Variants in LRSAM1 observed in about 807,000 individuals in gnomAD.
LRSAM1 encodes leucine rich repeat and sterile alpha motif containing 1.
In LRSAM1, 96 loss-of-function variants were observed where a neutral mutation model predicts 118.1. The observed-to-expected ratio is 0.81, with a 90% CI of 0.69 to 0.96. The LOEUF is 0.96. LRSAM1 is among the 40% of genes least tolerant of loss of function. The pLI is 0.00. For synonymous variants in LRSAM1, 322 were observed against 364.2 expected, an observed-to-expected ratio of 0.88 and a Z score of 1.32; for missense variants, 804 against 915.5, an observed-to-expected ratio of 0.88 and a Z score of 1.57.
chr9:127,499,055 C>CAAA (rs112522307), intron 24 of LRSAM1, among the ~76,000 whole-genome samples: 5,455 of 134,156 alleles, frequency 0.041, 319 homozygotes, highest in African/African-American at 0.14. Context: ...AACTCTGTCT[C>CAAA]AAAAAAAAAA....
intron 16 of LRSAM1, among the ~76,000 whole-genome samples, chr9:127,485,402 A>T (rs1483775208): frequency 6.6e-6 from 1 of 151,984 alleles, no homozygotes; most frequent in African/African-American, 2.4e-5. Context: ...TTAATAATAC[A>T]AAAAATTAGG....
chr9:127,487,632 G>T, intron 17 of LRSAM1, 44 bp from the exon 18 acceptor site: 2 of 1,584,492 alleles, frequency 1.3e-6, no homozygotes, highest in East Asian at 4.5e-5. Context: ...GTAGGTGCTC[G>T]GGAAACGTTC....
intron 9 of LRSAM1, 145 bp downstream of exon 9, chr9:127,462,518 G>T: frequency 7.8e-7 from 1 of 1,280,362 alleles, no homozygotes; most frequent in South Asian, 1.2e-5. Context: ...CTTGTAGAGA[G>T]GCCAATGTGT....
intron 12 of LRSAM1, 93 bp from the exon 13 acceptor site, chr9:127,479,289 GC>G: frequency 1.9e-6 from 3 of 1,578,866 alleles, no homozygotes; most frequent in Non-Finnish European, 2.6e-6. Flanking sequence ...CCTGGAGCCT[GC>G]CCTGTCAGTG....
Position 127,457,380 on chromosome 9 carries a change from T to C in LRSAM1, c.239T>C (p.Leu80Pro). The C allele has an allele frequency of 1.2e-6, 2 of 1,614,226 alleles. No individual in the cohort carries two copies. The highest frequency in any genetic ancestry group is 2.2e-5 in the East Asian group (1 of 44,888). The change falls in exon 6 of 26, where the codon CTG becomes CCG. Residue 80 changes from leucine (L) to proline (P), a missense_variant. Leu to Pro is a moderately conservative substitution (Grantham distance 98). Transcript: ENST00000300417. ...LLPKSCSLLS[L>P]ATIKVLDLHD... ...CCCAAATCCTGCAGCCTCCTGAGTC[T>C]GGCAACCATCAAGGTACTGGGCCCT...
Position 127,480,757 on chromosome 9 carries a change from G to A in LRSAM1, c.1044-426G>A, listed in dbSNP as rs146763660. Among the ~76,000 whole-genome samples the A allele has an allele frequency of 2.4e-3, 370 of 152,190 alleles. 1 individual carries two copies. The highest frequency in any genetic ancestry group is 4.2e-3 in the Non-Finnish European group (285 of 68,014). On this transcript the variant is annotated intron_variant, in intron 14 of 25. Coordinates refer to ENST00000300417, the MANE Select transcript of LRSAM1 (RefSeq NM_001005373.4). ...GGCTGGAGTGCAGTGGTGTGCTCTC[G>A]GCTCACTGCAACCTCCTTCTCCCAG... is the stretch of plus-strand genomic sequence containing the variant.
intron 10 of LRSAM1, among the ~76,000 whole-genome samples, chr9:127,472,647 T>A (rs1271605129): frequency 6.6e-6 from 1 of 151,720 alleles, no homozygotes; most frequent in African/African-American, 2.4e-5. Flanking sequence ...TCTCAAAAAA[T>A]AAATAAATAA....
At position 127,469,780 on chromosome 9, in the gene LRSAM1, A is replaced by G. The variant is rs560119313; in HGVS notation, c.619+1950A>G. Among the ~76,000 whole-genome samples, 7 of 152,216 alleles carry G rather than the reference A, an allele frequency of 4.6e-5. No individual in the cohort carries two copies. In the South Asian group the frequency reaches 1.4e-3, roughly 32 times the overall value. On this transcript the variant is annotated intron_variant, in intron 10 of 25. Transcript: ENST00000300417. The stretch of plus-strand genomic sequence containing the variant: ...AGATTGAGACCATCCTGACTAACAC[A>G]GTGAAACCCTGTCTCTACTAAAAAT...
intron 11 of LRSAM1, among the ~76,000 whole-genome samples, chr9:127,475,493 TCAAA>T (rs145876315): frequency 0.21 from 31,779 of 151,570 alleles, 3,704 homozygotes; most frequent in Admixed American, 0.34. Context: ...AGACTCCATC[TCAAA>T]CAAACAAACA....
chr9:127,476,073 T>A (rs1473940903), intron 11 of LRSAM1, among the ~76,000 whole-genome samples: 1 of 152,210 alleles, frequency 6.6e-6, no homozygotes, highest in Non-Finnish European at 1.5e-5. Context: ...CAGCCCGTGA[T>A]CCAGAAGTTC....
chr9:127,455,684 G>T, intron 5 of LRSAM1, 64 bp downstream of exon 5: 1 of 1,494,756 alleles, frequency 6.7e-7, no homozygotes, highest in Non-Finnish European at 9.3e-7. Flanking sequence ...AACCCACAAG[G>T]GACTTTGAGG....
intron 11 of LRSAM1, among the ~76,000 whole-genome samples, chr9:127,474,429 A>G (rs1835286110): frequency 6.6e-6 from 1 of 152,040 alleles, no homozygotes; most frequent in African/African-American, 2.4e-5. Context: ...CACCATGCTC[A>G]GCCTCCTTCA....
chr9:127,490,782 A>C (rs1297593047), intron 19 of LRSAM1, among the ~76,000 whole-genome samples: 1 of 152,164 alleles, frequency 6.6e-6, no homozygotes, highest in Admixed American at 6.5e-5. Flanking sequence ...ACTGTTACTC[A>C]GTCACTTCCA....
chr9:127,499,833 G>A (rs539415527), intron 24 of LRSAM1, among the ~76,000 whole-genome samples: 22 of 151,716 alleles, frequency 1.5e-4, no homozygotes, highest in Admixed American at 1.2e-3. Flanking sequence ...GCTGAGGCAG[G>A]AGAATCACTT....
chr9:127,494,129 C>G (rs1030406307), intron 21 of LRSAM1, among the ~76,000 whole-genome samples: 1 of 152,228 alleles, frequency 6.6e-6, no homozygotes, highest in African/African-American at 2.4e-5. Context: ...GGGTCACCAC[C>G]AAAGGAGGAA....
rs1247817847 is a variant in LRSAM1, at chr9:127,467,830, GGTAAAGCCAGGCCGCT to G, written c.619+2_619+17del. On this transcript the variant is annotated splice_donor_variant and splice_donor_5th_base_variant and intron_variant, in intron 10 of 25. Coordinates refer to ENST00000300417, the MANE Select transcript of LRSAM1 (RefSeq NM_001005373.4). LOFTEE classifies it high-confidence loss of function. ...GGCCATCTTGCAGTTCCTCTGCAAA[GGTAAAGCCAGGCCGCT>G]GCCTCCTCCCCTCATTGAGGAACTA... is the stretch of plus-strand genomic sequence containing the variant. The G allele has an allele frequency of 6.3e-7, 1 of 1,585,028 alleles. No individual in the cohort carries two copies.
In LRSAM1 at chr9:127,485,788, G is replaced by A. The variant is rs1835707877; in HGVS notation, c.1212G>A (p.Met404Ile). 6.2e-7 allele frequency: 1 copy of A among 1,614,126 alleles called. No homozygotes were observed. The highest frequency in any genetic ancestry group is 8.5e-7 in the Non-Finnish European group (1 of 1,180,010). ...GCTGTAAGAACCGGCTCATCCAGAT[G>A]GCCTACGAATCTCAGAGGCAGAACT... ...TESCKNRLIQ[M>I]AYESQRQNLV... is the part of the protein sequence containing the mutation. Residue 404 changes from methionine (M) to isoleucine (I), a missense_variant, in exon 17 of 26, where the codon ATG (methionine) becomes ATA (isoleucine). By Grantham distance (10) the Met-to-Ile change is conservative. Transcript: ENST00000300417.
In LRSAM1 at chr9:127,479,477, A is replaced by G. The variant is rs1377965147; in HGVS notation, c.875A>G (p.Lys292Arg). 2 of 1,614,124 alleles carry G rather than the reference A, an allele frequency of 1.2e-6. No individual in the cohort carries two copies. Among genetic ancestry groups the G allele is most frequent in the South Asian group, 2.2e-5 (2 of 91,078 alleles). The change falls in exon 13 of 26, where the codon AAG (lysine) becomes AGG (arginine). Residue 292 changes from lysine (K) to arginine (R), a missense_variant. Transcript: ENST00000300417. ...TQLLQQSSSQ[K>R]DEILQTVKEE... Reference sequence around the variant, plus strand: ...CTCCTTCAGCAGAGCAGCAGCCAGAAGGATGAGATCCTTCAGACGGTCAAG... The same window carrying G: ...CTCCTTCAGCAGAGCAGCAGCCAGAGGGATGAGATCCTTCAGACGGTCAAG...
intron 5 of LRSAM1, among the ~76,000 whole-genome samples, chr9:127,456,046 A>T (rs2131992910): frequency 6.6e-6 from 1 of 151,614 alleles, no homozygotes; most frequent in African/African-American, 2.4e-5. Context: ...CACGCCTTTT[A>T]TTCTGGTCAC....
Sources: allele counts gnomAD v4.1 joint callset (sites outside exome capture counted in the v4.1 genomes callset), GRCh38; gene constraint gnomAD v4.1.1; transcripts MANE v1.5; gene names NCBI Gene and HGNC (gene_info 2026-07-23, HGNC 2026-07-21).